ASPRV1: variants seen among roughly 807,000 people sequenced by gnomAD.
ASPRV1 encodes the protein aspartic peptidase retroviral like 1.
In ASPRV1, 7 loss-of-function variants were observed where a neutral mutation model predicts 11.0. The ratio of observed to expected loss-of-function variants is 0.64; its 90% confidence interval spans 0.36 to 1.20. The LOEUF (loss-of-function observed/expected upper bound fraction) is 1.20. Ranked by LOEUF, ASPRV1 falls within the 50% of genes most tolerant of loss-of-function variation. The pLI, the probability that ASPRV1 is intolerant of heterozygous loss-of-function variation, is 0.02. For synonymous variants in ASPRV1, 136 were observed against 138.4 expected (o/e 0.98, Z 0.12); for missense variants, 299 against 320.0 (o/e 0.93, Z 0.50).
At chr2:69,937,391 AG>A in the ASPRV1 span, 4 of 1,604,068 alleles carry the variant, frequency 2.5e-6, no homozygotes, top group Non-Finnish European at 2.6e-6. Flanking sequence ...CGACTCCGAC[AG>A]GGGTGAGCCT....
chr2:69,938,170 C>T, the ASPRV1 span: 192 of 1,614,060 alleles, frequency 1.2e-4, no homozygotes, highest in Non-Finnish European at 1.4e-4. Context: ...GCAGTGTGAG[C>T]GACTCTGACG....
rs1678074014 is a variant in ASPRV1, at chr2:69,960,955, A to G, written c.482T>C (p.Val161Ala). 1 of 1,613,854 alleles carries G rather than the reference A, an allele frequency of 6.2e-7. No homozygotes were observed. The highest frequency in any genetic ancestry group is 1.3e-5 in the African/African-American group (1 of 74,852). Residue 161 changes from valine to alanine, a missense_variant, in exon 1 of 1, where the codon GTG (valine) becomes GCG (alanine). By Grantham distance (64) the Val-to-Ala change is moderately conservative. Coordinates refer to ENST00000320256, the MANE Select transcript of ASPRV1 (RefSeq NM_152792.4). Reference protein sequence around the residue: ...TLQPFENVVKVANGAEMKILG... With the variant: ...TLQPFENVVKAANGAEMKILG... ...GATCTTCATTTCAGCACCATTGGCC[A>G]CCTTTACCACATTCTCAAAGGGCTG...
chr2:70,013,266 T>C, the ASPRV1 span, among the ~76,000 whole-genome samples: 1 of 152,222 alleles, frequency 6.6e-6, no homozygotes, highest in Non-Finnish European at 1.5e-5. Context: ...TTCACTGATA[T>C]GGATTCAACT....
chr2:70,023,459 T>A, the ASPRV1 span, among the ~76,000 whole-genome samples: 1 of 152,084 alleles, frequency 6.6e-6, no homozygotes, highest in African/African-American at 2.4e-5. Context: ...CTGCAGTAGA[T>A]GCCTCTCTGA....
At chr2:70,036,128 G>A in the ASPRV1 span, among the ~76,000 whole-genome samples, 43,897 of 151,342 alleles carry the variant, frequency 0.29, 6,613 homozygotes, top group East Asian at 0.35. Flanking sequence ...CCAAAGAGGG[G>A]CAGACAGAGC....
the ASPRV1 span, among the ~76,000 whole-genome samples, chr2:70,028,240 G>A: frequency 1.7e-4 from 26 of 152,140 alleles, no homozygotes; most frequent in African/African-American, 6.3e-4. Flanking sequence ...TACTGAGAAC[G>A]GAGTGTGATG....
chr2:70,009,529 C>T, the ASPRV1 span, among the ~76,000 whole-genome samples: 1 of 152,136 alleles, frequency 6.6e-6, no homozygotes, highest in African/African-American at 2.4e-5. Flanking sequence ...CAGGGTTTAC[C>T]ATGTTGGCCA....
At chr2:70,048,927 CTT>C in the ASPRV1 span, 1 of 152,188 alleles carries the variant, frequency 6.6e-6, no homozygotes. Flanking sequence ...GTGTCCCTCT[CTT>C]CTTATGACAA....
the ASPRV1 span, among the ~76,000 whole-genome samples, chr2:70,079,237 T>C: frequency 3.9e-5 from 6 of 152,176 alleles, no homozygotes; most frequent in South Asian, 1.0e-3. Flanking sequence ...AACTCATGAA[T>C]TGTCAGGGAA....
rs1490594747 is a variant in ASPRV1 at position 69,961,269 on chromosome 2, C to T, written c.168G>A (p.Glu56=). The part of the protein sequence containing the change: ...DHITKLRFLK[E]SLRGEALGVY... ...CACCCAGGGCCTCTCCTCTGAGGGA[C>T]TCTTTCAGGAACCTTAGCTTGGTGA... The change falls in exon 1 of 1, where the codon GAG becomes GAA. Residue 56 remains glutamate, a synonymous_variant. Coordinates refer to ENST00000320256, the MANE Select transcript of ASPRV1 (RefSeq NM_152792.4). 6.2e-7 allele frequency: 1 copy of T among 1,614,010 alleles called. No homozygotes were observed. Among genetic ancestry groups the T allele is most frequent in the Non-Finnish European group, 8.5e-7 (1 of 1,180,020 alleles).
chr2:70,032,857 A>G, the ASPRV1 span, among the ~76,000 whole-genome samples: 1 of 152,130 alleles, frequency 6.6e-6, no homozygotes. Flanking sequence ...AGAGTATAAC[A>G]AAGTCCTTTG....
rs750065188 is a variant in ASPRV1, at chr2:69,961,393, T to G, written c.44A>C (p.His15Pro). The change falls in exon 1 of 1, where the codon CAT (histidine) becomes CCT (proline). Residue 15 changes from histidine (H) to proline (P), a missense_variant. Transcript: ENST00000320256. ...ATCAAAAGGTTCCGGGACGAAGGCA[T>G]GCTGCCGGCGGCCTTCCTCACTCCT... ...GARSEEGRRQ[H>P]AFVPEPFDGA... The G allele has an allele frequency of 4.3e-6, 7 of 1,614,032 alleles. No individual in the cohort carries two copies. The highest frequency in any genetic ancestry group is 1.7e-5 in the Admixed American group (1 of 60,008).
the ASPRV1 span, chr2:70,050,588 GA>G: frequency 6.6e-6 from 1 of 152,008 alleles, no homozygotes; most frequent in Non-Finnish European, 1.5e-5. Flanking sequence ...GACAAAATGG[GA>G]ACAATTCTAT....
chr2:70,062,047 G>A, the ASPRV1 span, among the ~76,000 whole-genome samples: 1 of 151,816 alleles, frequency 6.6e-6, no homozygotes, highest in Non-Finnish European at 1.5e-5. Flanking sequence ...CAGCACTGTG[G>A]GAGGCTGAGG....
At chr2:70,022,388 CACACAA>C in the ASPRV1 span, among the ~76,000 whole-genome samples, 2 of 146,692 alleles carry the variant, frequency 1.4e-5, no homozygotes, top group Non-Finnish European at 3.0e-5. Context: ...CACACACACA[CACACAA>C]ACACAAGCAG....
At chr2:70,061,453 T>C in the ASPRV1 span, among the ~76,000 whole-genome samples, 1 of 148,138 alleles carries the variant, frequency 6.8e-6, no homozygotes, top group Non-Finnish European at 1.5e-5. Flanking sequence ...TTATGCACAG[T>C]AAAGAGTGTT....
At chr2:69,999,549 G>A in the ASPRV1 span, among the ~76,000 whole-genome samples, 10 of 150,746 alleles carry the variant, frequency 6.6e-5, no homozygotes, top group African/African-American at 2.5e-4. Flanking sequence ...CTGGCTACTC[G>A]GCAGGCTAAG....
At chr2:70,017,200 C>T in the ASPRV1 span, among the ~76,000 whole-genome samples, 1 of 152,162 alleles carries the variant, frequency 6.6e-6, no homozygotes, top group Non-Finnish European at 1.5e-5. Context: ...ACCATGTTAG[C>T]CAGGATGGTC....
At chr2:69,937,097 G>A in the ASPRV1 span, 1 of 1,134,820 alleles carries the variant, frequency 8.8e-7, no homozygotes. Context: ...TCCTGTCTCA[G>A]GGAGAAGCTT....
Sources: allele counts gnomAD v4.1 joint callset (sites outside exome capture counted in the v4.1 genomes callset), GRCh38; gene constraint gnomAD v4.1.1; transcripts MANE v1.5; gene names NCBI Gene and HGNC (gene_info 2026-07-23, HGNC 2026-07-21).